The following PPA2 variants were observed in gnomAD, a reference collection of about 807,000 sequenced individuals.
The protein encoded by PPA2 is inorganic pyrophosphatase 2.
In PPA2, 48 loss-of-function variants were observed where a neutral mutation model predicts 49.5. The ratio of observed to expected loss-of-function variants is 0.97; its 90% confidence interval spans 0.77 to 1.23. The LOEUF is 1.23. Ranked by LOEUF, PPA2 falls within the 50% of genes most tolerant of loss-of-function variation. PPA2 has a pLI of 0.00. For synonymous variants in PPA2, 131 were observed against 139.9 expected, an observed-to-expected ratio of 0.94 and a Z score of 0.45; for missense variants, 429 against 410.1, an observed-to-expected ratio of 1.05 and a Z score of -0.40.
chr4:105,461,117 G>C (rs73836225), intron 1 of PPA2, among the ~76,000 whole-genome samples: 1 of 152,148 alleles, frequency 6.6e-6, no homozygotes, highest in African/African-American at 2.4e-5. Context: ...GCAATGACTA[G>C]AAAGGCCAAA....
intron 7 of PPA2, chr4:105,405,426 A>G (rs1722420650): frequency 1.2e-6 from 1 of 819,980 alleles, no homozygotes; most frequent in African/African-American, 1.9e-5. Flanking sequence ...TATTATTACA[A>G]TTTAGTTCTT....
chr4:105,392,730 C>G (rs1415284495), intron 9 of PPA2, among the ~76,000 whole-genome samples: 2 of 151,378 alleles, frequency 1.3e-5, no homozygotes, highest in Non-Finnish European at 2.9e-5. Flanking sequence ...TTTACTCCAA[C>G]AGATATTTAT....
At chr4:105,411,897 C>G (rs1459510427) in intron 7 of PPA2, among the ~76,000 whole-genome samples, 1 of 152,088 alleles carries the variant, frequency 6.6e-6, no homozygotes, top group Non-Finnish European at 1.5e-5. Context: ...TGTGAAGGAC[C>G]TCTTCAAGGA....
At chr4:105,378,484 T>C (rs566642685) in intron 10 of PPA2, among the ~76,000 whole-genome samples, 6 of 152,290 alleles carry the variant, frequency 3.9e-5, no homozygotes, top group Admixed American at 1.3e-4. Context: ...ATATTCTGAA[T>C]ACAAGTCCCT....
At chr4:105,415,219 C>T (rs1479373317) in intron 7 of PPA2, among the ~76,000 whole-genome samples, 1 of 152,216 alleles carries the variant, frequency 6.6e-6, no homozygotes, top group African/African-American at 2.4e-5. Context: ...TGGGGCTTCA[C>T]TGTGGACCCA....
At chr4:105,431,155 T>C (rs74333325) in intron 6 of PPA2, among the ~76,000 whole-genome samples, 5,759 of 152,274 alleles carry the variant, frequency 0.038, 328 homozygotes, top group African/African-American at 0.12. Flanking sequence ...TATGTTCATT[T>C]TCTTATTTTT....
intron 1 of PPA2, among the ~76,000 whole-genome samples, chr4:105,463,511 G>A (rs1723177679): frequency 6.6e-6 from 1 of 152,242 alleles, no homozygotes; most frequent in Non-Finnish European, 1.5e-5. Context: ...GCCAGCTGCA[G>A]AAATTTGCAT....
intron 1 of PPA2, among the ~76,000 whole-genome samples, chr4:105,463,277 CAA>C (rs1723168889): frequency 6.6e-6 from 1 of 152,050 alleles, no homozygotes; most frequent in Non-Finnish European, 1.5e-5. Context: ...ACAGTTTTAG[CAA>C]AGAGACTGGC....
intron 9 of PPA2, among the ~76,000 whole-genome samples, chr4:105,392,094 G>C (rs1048395018): frequency 6.6e-6 from 1 of 152,084 alleles, no homozygotes; most frequent in Admixed American, 6.5e-5. Context: ...ATATCAACTG[G>C]TTGAAGAGAA....
At chr4:105,469,419 G>C (rs1723435108) in intron 1 of PPA2, among the ~76,000 whole-genome samples, 1 of 152,184 alleles carries the variant, frequency 6.6e-6, no homozygotes, top group African/African-American at 2.4e-5. Flanking sequence ...TTACACTAGA[G>C]CAAGTGAGAA....
At chr4:105,369,877 A>G in intron 11 of PPA2, 124 bp from the exon 12 acceptor site, 1 of 863,282 alleles carries the variant, frequency 1.2e-6, no homozygotes, top group African/African-American at 1.7e-5. Flanking sequence ...GTCATAAGCT[A>G]TCTAAAGTTG....
chr4:105,376,151 T>A (rs2636696), intron 10 of PPA2, among the ~76,000 whole-genome samples: 1 of 151,996 alleles, frequency 6.6e-6, no homozygotes, highest in Non-Finnish European at 1.5e-5. Context: ...AATGCCAATA[T>A]GCATTTATGG....
chr4:105,448,994 G>A (rs1202612969), intron 4 of PPA2, among the ~76,000 whole-genome samples: 2 of 125,768 alleles, frequency 1.6e-5, no homozygotes, highest in Admixed American at 7.3e-5. Flanking sequence ...CGAGGCGGGC[G>A]GATCACGAGG....
intron 1 of PPA2, among the ~76,000 whole-genome samples, chr4:105,467,065 A>C (rs1019680256): frequency 1.3e-5 from 2 of 152,150 alleles, no homozygotes; most frequent in South Asian, 4.1e-4. Context: ...GGCTGCAACC[A>C]ATTAATATTT....
intron 6 of PPA2, among the ~76,000 whole-genome samples, chr4:105,425,723 TACACACAC>T (rs59144523): frequency 0.01 from 1,282 of 122,524 alleles, 21 homozygotes; most frequent in African/African-American, 0.035. Context: ...CACATGCACA[TACACACAC>T]ACACACACAC....
At chr4:105,449,985 C>G (rs1722597627) in intron 3 of PPA2, among the ~76,000 whole-genome samples, 1 of 152,124 alleles carries the variant, frequency 6.6e-6, no homozygotes, top group African/African-American at 2.4e-5. Flanking sequence ...CCAGACTTAG[C>G]TTGCATATCT....
At chr4:105,447,987 C>G in intron 4 of PPA2, 1 of 280,072 alleles carries the variant, frequency 3.6e-6, no homozygotes, top group Non-Finnish European at 7.1e-6. Flanking sequence ...CTCAAGTGAT[C>G]TGCCCGCCTT....
At chr4:105,447,787 G>A (rs1480471241) in intron 4 of PPA2, among the ~76,000 whole-genome samples, 1 of 148,602 alleles carries the variant, frequency 6.7e-6, no homozygotes, top group African/African-American at 2.5e-5. Flanking sequence ...AGGCTGGAGT[G>A]CAGTGGTGTG....
intron 3 of PPA2, among the ~76,000 whole-genome samples, chr4:105,453,218 A>G (rs2110311865): frequency 6.6e-6 from 1 of 152,362 alleles, no homozygotes. Flanking sequence ...GACAGAAAGT[A>G]GAATAGTGCT....
Sources: allele counts gnomAD v4.1 joint callset (sites outside exome capture counted in the v4.1 genomes callset), GRCh38; gene constraint gnomAD v4.1.1; transcripts MANE v1.5; gene names NCBI Gene and HGNC (gene_info 2026-07-23, HGNC 2026-07-21).